CWC27: variants seen among roughly 807,000 people sequenced by gnomAD.
The protein encoded by CWC27 is spliceosome-associated protein CWC27 homolog.
In CWC27, 47 loss-of-function variants were observed where a neutral mutation model predicts 63.6. The ratio of observed to expected loss-of-function variants is 0.74; its 90% confidence interval spans 0.58 to 0.94. The LOEUF (loss-of-function observed/expected upper bound fraction) is 0.94, where lower values mean the gene tolerates loss of function less well. Ranked by LOEUF, CWC27 falls within the 40% of genes least tolerant of loss-of-function variation. The pLI, the probability that CWC27 is intolerant of heterozygous loss-of-function variation, is 0.00. For synonymous variants in CWC27, 175 were observed against 179.8 expected, an observed-to-expected ratio of 0.97 and a Z score of 0.22; for missense variants, 495 against 554.3, an observed-to-expected ratio of 0.89 and a Z score of 1.07.
At chr5:64,828,806 C>T (rs1745435554) in intron 10 of CWC27, among the ~76,000 whole-genome samples, 1 of 151,988 alleles carries the variant, frequency 6.6e-6, no homozygotes, top group African/African-American at 2.4e-5. Flanking sequence ...GTTCCCAGGC[C>T]ACTCACCAGT....
intron 10 of CWC27, among the ~76,000 whole-genome samples, chr5:64,860,005 A>G (rs1452231054): frequency 6.6e-6 from 1 of 152,202 alleles, no homozygotes. Context: ...TGTTAACTCT[A>G]AACCTTCACA....
intron 10 of CWC27, among the ~76,000 whole-genome samples, chr5:64,836,863 T>A (rs542167640): frequency 6.6e-6 from 1 of 152,204 alleles, no homozygotes; most frequent in South Asian, 2.1e-4. Flanking sequence ...TGCCCATCAT[T>A]GAGTGCTCTA....
intron 11 of CWC27, among the ~76,000 whole-genome samples, chr5:64,910,780 G>T (rs1747769531): frequency 6.6e-6 from 1 of 152,184 alleles, no homozygotes; most frequent in African/African-American, 2.4e-5. Context: ...ATAATCTCCT[G>T]GTGTGCCATT....
intron 13 of CWC27, among the ~76,000 whole-genome samples, chr5:64,988,001 T>C (rs547679615): frequency 2.0e-5 from 3 of 152,314 alleles, no homozygotes; most frequent in African/African-American, 4.8e-5. Context: ...ACATTATTTC[T>C]TAAATTATTT....
intron 11 of CWC27, among the ~76,000 whole-genome samples, chr5:64,907,928 C>G (rs1308758554): frequency 6.6e-6 from 1 of 152,162 alleles, no homozygotes; most frequent in Admixed American, 6.5e-5. Flanking sequence ...CTTCTGCTAG[C>G]TTTTGAATTT....
At chr5:64,846,909 G>A (rs997964883) in intron 10 of CWC27, among the ~76,000 whole-genome samples, 5 of 147,486 alleles carry the variant, frequency 3.4e-5, no homozygotes, top group Non-Finnish European at 5.9e-5. Context: ...CAGGAGAATC[G>A]CTTGAATCCA....
chr5:64,923,298 G>A (rs931652499), intron 11 of CWC27, among the ~76,000 whole-genome samples: 6 of 152,236 alleles, frequency 3.9e-5, no homozygotes, highest in Admixed American at 1.3e-4. Context: ...GACTCTGAGA[G>A]GGGCCACTGG....
chr5:64,780,845 G>A (rs182278195), intron 2 of CWC27, among the ~76,000 whole-genome samples: 2 of 152,020 alleles, frequency 1.3e-5, no homozygotes, highest in African/African-American at 4.8e-5. Context: ...TTCTTTTAAG[G>A]TTTTTGATGT....
intron 10 of CWC27, among the ~76,000 whole-genome samples, chr5:64,874,085 G>T (rs910271765): frequency 1.4e-5 from 2 of 147,668 alleles, no homozygotes; most frequent in Non-Finnish European, 3.0e-5. Flanking sequence ...GTCTGACCAG[G>T]TTATTTCAAA....
chr5:64,838,094 G>A (rs1404416992), intron 10 of CWC27, among the ~76,000 whole-genome samples: 4 of 152,102 alleles, frequency 2.6e-5, no homozygotes, highest in Non-Finnish European at 5.9e-5. Context: ...TTAGGAATTA[G>A]CATTACTTAT....
chr5:64,871,948 G>A (rs982367135), intron 10 of CWC27, among the ~76,000 whole-genome samples: 1 of 152,120 alleles, frequency 6.6e-6, no homozygotes, highest in Admixed American at 6.6e-5. Context: ...CCCATGCAGT[G>A]AGGAAAGAGC....
In CWC27 at chr5:64,977,234, G is replaced by T. The variant is rs756481809; in HGVS notation, c.1252G>T (p.Gly418Ter). The part of the protein sequence containing the change: ...IPETEVEDDE[G>*]WMSHVLQFED... ...TGAAACAGAAGTAGAAGATGATGAA[G>T]GATGGTAAGGGCTTTGATTTCTGTA... Residue 418 changes from glycine to a stop codon, truncating the protein, a stop_gained, in exon 13 of 14, where the codon GGA becomes TGA. Transcript: ENST00000381070. LOFTEE classifies it high-confidence loss of function. 1 of 1,598,710 alleles carries T rather than the reference G, an allele frequency of 6.3e-7. No homozygotes were observed. The highest frequency in any genetic ancestry group is 2.2e-5 in the East Asian group (1 of 44,682).
chr5:64,852,073 C>T lies in CWC27; in HGVS notation c.939-33370C>T, dbSNP rs557635811. ...TGATATTGTTACCTGAATTACTTCT[C>T]TTTCTACTACTAGTAGATAATAATC... On this transcript the variant is annotated intron_variant, in intron 10 of 13. Transcript: ENST00000381070. Among the ~76,000 whole-genome samples the T allele has an allele frequency of 2.6e-5, 4 of 152,288 alleles. No individual in the cohort carries two copies. In the East Asian group the frequency reaches 5.8e-4, roughly 22 times the overall value.
chr5:64,856,462 GTGTGTA>G (rs1483232189), intron 10 of CWC27, among the ~76,000 whole-genome samples: 1 of 116,950 alleles, frequency 8.6e-6, no homozygotes, highest in Non-Finnish European at 1.7e-5. Flanking sequence ...GTGTATGTGT[GTGTGTA>G]TGTGTGTGTG....
At chr5:65,013,110 T>C (rs746718467) in intron 13 of CWC27, among the ~76,000 whole-genome samples, 8 of 152,198 alleles carry the variant, frequency 5.3e-5, no homozygotes, top group East Asian at 1.9e-4. Flanking sequence ...TCAGGTGCTA[T>C]ATGAGATGGA....
chr5:64,819,617 T>G (rs1324731244), intron 10 of CWC27, among the ~76,000 whole-genome samples: 1 of 152,082 alleles, frequency 6.6e-6, no homozygotes, highest in East Asian at 1.9e-4. Context: ...GTGACTTTGC[T>G]CTTCCTTTGT....
intron 10 of CWC27, among the ~76,000 whole-genome samples, chr5:64,853,035 GA>G (rs2112299507): frequency 6.6e-6 from 1 of 152,178 alleles, no homozygotes; most frequent in Non-Finnish European, 1.5e-5. Flanking sequence ...TCCTTACATT[GA>G]AAAGTATTCA....
At chr5:64,774,315 A>G (rs1262525450) in intron 1 of CWC27, among the ~76,000 whole-genome samples, 3 of 152,144 alleles carry the variant, frequency 2.0e-5, no homozygotes, top group African/African-American at 4.8e-5. Context: ...CTGGCTAATT[A>G]AAACAAATTT....
At chr5:64,906,570 G>A (rs1458345683) in intron 11 of CWC27, among the ~76,000 whole-genome samples, 1 of 150,888 alleles carries the variant, frequency 6.6e-6, no homozygotes, top group Non-Finnish European at 1.5e-5. Flanking sequence ...CTGGATATTA[G>A]CCCTTTGTCA....
Sources: allele counts gnomAD v4.1 joint callset (sites outside exome capture counted in the v4.1 genomes callset), GRCh38; gene constraint gnomAD v4.1.1; transcripts MANE v1.5; gene names NCBI Gene and HGNC (gene_info 2026-07-23, HGNC 2026-07-21).